PLD5: variants seen among roughly 807,000 people sequenced by gnomAD.
PLD5 encodes inactive phospholipase D5.
In PLD5, 36 loss-of-function variants were observed where a neutral mutation model predicts 61.1. The ratio of observed to expected loss-of-function variants is 0.59; its 90% CI spans 0.45 to 0.78. The LOEUF (loss-of-function observed/expected upper bound fraction) is 0.78, where lower values mean the gene tolerates loss of function less well. PLD5 is among the 30% of genes least tolerant of loss of function. The pLI, the probability that PLD5 is intolerant of heterozygous loss-of-function variation, is 0.00. For missense variants in PLD5, 515 were observed against 644.4 expected, an observed-to-expected ratio of 0.80 and a Z score of 2.17; for synonymous variants, 243 against 242.8, an observed-to-expected ratio of 1.00 and a Z score of -0.01.
At chr1:242,313,103 T>C (rs1488516577) in intron 2 of PLD5, among the ~76,000 whole-genome samples, 2 of 152,248 alleles carry the variant, frequency 1.3e-5, no homozygotes, top group Non-Finnish European at 2.9e-5. Flanking sequence ...AGACTTTGCA[T>C]GTAGGAAAAT....
At chr1:242,370,973 A>G (rs1661601036) in intron 1 of PLD5, among the ~76,000 whole-genome samples, 1 of 152,096 alleles carries the variant, frequency 6.6e-6, no homozygotes, top group Admixed American at 6.5e-5. Context: ...GTCAGTTATG[A>G]TTGTTTTATG....
At chr1:242,113,084 C>CTTTTTTTTTTTTTTTT in intron 7 of PLD5, among the ~76,000 whole-genome samples, 2 of 110,694 alleles carry the variant, frequency 1.8e-5, no homozygotes, top group African/African-American at 3.5e-5. Context: ...CTCTCTCTCT[C>CTTTTTTTTTTTTTTTT]TTTTTTTTTT....
At chr1:242,464,058 T>C (rs1463137139) in intron 1 of PLD5, among the ~76,000 whole-genome samples, 2 of 152,186 alleles carry the variant, frequency 1.3e-5, no homozygotes, top group Admixed American at 1.3e-4. Flanking sequence ...ATTCTCGATT[T>C]TAATCTTACT....
In PLD5 at chr1:242,524,242, G is replaced by C. The variant is rs889825621; in HGVS notation, c.35C>G (p.Ser12Cys). ...EIRQHEWLSA[S>C]PHEGFEQMRL... The stretch of plus-strand genomic sequence containing the variant: ...CATCTGCTCGAAGCCCTCATGGGGG[G>C]AGGCCGAGAGCCACTCGTGCTGCCG... The change falls in exon 1 of 10, where the codon TCC becomes TGC. Residue 12 changes from serine to cysteine, a missense_variant. Transcript: ENST00000536534. 1 of 1,508,052 alleles carries C rather than the reference G, an allele frequency of 6.6e-7. No homozygotes were observed. Among genetic ancestry groups the C allele is most frequent in the Non-Finnish European group, 8.8e-7 (1 of 1,133,738 alleles). The allele number at this position is 1,508,052 out of a possible 1,614,324, so 93.4% of individuals were successfully genotyped here.
intron 1 of PLD5, among the ~76,000 whole-genome samples, chr1:242,507,622 A>C (rs570696882): frequency 1.8e-4 from 28 of 152,364 alleles, no homozygotes; most frequent in Non-Finnish European, 2.5e-4. Flanking sequence ...CTGGACAGCT[A>C]ATCTTGAAAT....
intron 1 of PLD5, among the ~76,000 whole-genome samples, chr1:242,462,796 C>G (rs1238815912): frequency 6.6e-6 from 1 of 152,016 alleles, no homozygotes; most frequent in African/African-American, 2.4e-5. Flanking sequence ...CTTTCTTCTC[C>G]CAAAAGAAGT....
At chr1:242,292,794 G>A (rs990319424) in intron 2 of PLD5, among the ~76,000 whole-genome samples, 1 of 152,170 alleles carries the variant, frequency 6.6e-6, no homozygotes, top group African/African-American at 2.4e-5. Context: ...TTGAAAGTGT[G>A]GTAGTGACCG....
intron 2 of PLD5, among the ~76,000 whole-genome samples, chr1:242,336,137 A>G (rs1286100417): frequency 3.3e-5 from 5 of 152,202 alleles, no homozygotes; most frequent in Non-Finnish European, 1.5e-5. Context: ...CTTTTATCAG[A>G]CTGGCAAAGA....
intron 1 of PLD5, among the ~76,000 whole-genome samples, chr1:242,426,500 C>T (rs56315270): frequency 0.17 from 26,404 of 152,058 alleles, 2,715 homozygotes; most frequent in African/African-American, 0.29. Flanking sequence ...ACCTGTATCA[C>T]CACAAACACA....
At position 242,084,797 on chromosome 1, in the gene PLD5, A is replaced by T. The variant is rs2148630409; in HGVS notation, c.*5057T>A. 1 of 114,502 alleles carries T rather than the reference A, an allele frequency of 8.7e-6. No homozygotes were observed. Among genetic ancestry groups the T allele is most frequent in the East Asian group, 3.0e-4 (1 of 3,320 alleles). The allele number at this position is 114,502 out of a possible 1,614,324, so 7.1% of individuals were successfully genotyped here. A position where few individuals can be genotyped will look rare whatever the true frequency, so the allele number is the denominator to read the frequency against. Reference sequence around the variant, plus strand: ...TTTTTTTAGAGAAAGAGATAGGTATAGTGTTTCAAAGATGCCTCCTTGTGT... The same window carrying T: ...TTTTTTTAGAGAAAGAGATAGGTATTGTGTTTCAAAGATGCCTCCTTGTGT... On this transcript the variant is annotated 3_prime_UTR_variant, in exon 10 of 10. Transcript: ENST00000536534.
At chr1:242,432,255 A>G (rs1665759223) in intron 1 of PLD5, among the ~76,000 whole-genome samples, 1 of 152,216 alleles carries the variant, frequency 6.6e-6, no homozygotes, top group Non-Finnish European at 1.5e-5. Context: ...ACTGGGTAGG[A>G]TAGGAAGAAG....
Position 242,296,229 on chromosome 1 carries a change from A to G in PLD5, c.327-7699T>C, listed in dbSNP as rs539877315. The stretch of plus-strand genomic sequence containing the variant: ...GAAAAGTGTCTGTTCACGTACTTTG[A>G]CCACTTTTTTCTTGTTGGTTTAAGT... On this transcript the variant is annotated intron_variant, in intron 2 of 9. Coordinates refer to ENST00000536534, the MANE Select transcript of PLD5 (RefSeq NM_001372062.1). 1.4e-3 allele frequency among the ~76,000 whole-genome samples: 210 copies of G among 152,302 alleles called. 1 individual carries two copies. The highest frequency in any genetic ancestry group is 4.9e-3 in the African/African-American group (203 of 41,570).
At chr1:242,503,263 G>C (rs1300929328) in intron 1 of PLD5, among the ~76,000 whole-genome samples, 1 of 152,112 alleles carries the variant, frequency 6.6e-6, no homozygotes, top group Non-Finnish European at 1.5e-5. Context: ...CTGGTGATGA[G>C]TGAGATCACG....
At chr1:242,387,293 G>A (rs1002824999) in intron 1 of PLD5, among the ~76,000 whole-genome samples, 2 of 152,130 alleles carry the variant, frequency 1.3e-5, no homozygotes, top group African/African-American at 4.8e-5. Context: ...AAATAGTCAA[G>A]ATCCTCCTGA....
intron 1 of PLD5, among the ~76,000 whole-genome samples, chr1:242,519,519 TC>T (rs1303471452): frequency 3.3e-5 from 5 of 152,224 alleles, no homozygotes; most frequent in South Asian, 2.1e-4. Flanking sequence ...TCTTCTGCTT[TC>T]TCTTTCAAAT....
At chr1:242,351,517 G>GCA in intron 1 of PLD5, among the ~76,000 whole-genome samples, 1 of 152,102 alleles carries the variant, frequency 6.6e-6, no homozygotes, top group African/African-American at 2.4e-5. Flanking sequence ...CAGTCCCCCT[G>GCA]CACACACTCT....
intron 4 of PLD5, among the ~76,000 whole-genome samples, chr1:242,241,909 A>ACAC (rs1672054634): frequency 2.8e-4 from 12 of 42,852 alleles, no homozygotes; most frequent in African/African-American, 1.1e-3. Context: ...ATATATATAT[A>ACAC]TACTTACTGT....
chr1:242,407,869 G>T (rs1664331300), intron 1 of PLD5, among the ~76,000 whole-genome samples: 1 of 152,042 alleles, frequency 6.6e-6, no homozygotes, highest in African/African-American at 2.4e-5. Flanking sequence ...GAGCCACTGA[G>T]CCCAGCCAAA....
chr1:242,235,152 A>G (rs1248102465), intron 4 of PLD5, among the ~76,000 whole-genome samples: 1 of 152,152 alleles, frequency 6.6e-6, no homozygotes, highest in East Asian at 1.9e-4. Context: ...GTCATTTCTT[A>G]TTTAGCATTT....
Sources: gnomAD v4.1 joint callset for allele counts (sites outside exome capture counted in the v4.1 genomes callset) on GRCh38, gnomAD v4.1.1 for gene constraint, MANE v1.5 for transcripts, NCBI Gene and HGNC (gene_info 2026-07-23, HGNC 2026-07-21) for gene names.